CCN5: variants seen among roughly 807,000 people sequenced by gnomAD.
CCN5 encodes the protein CCN family member 5.
CCN5 carries 17 observed loss-of-function variants against 18.7 expected under a neutral mutation model. The observed-to-expected ratio is 0.91, with a 90% CI of 0.62 to 1.36. The LOEUF is 1.36. Among genes scored for constraint, CCN5 ranks in the 40% most tolerant of loss-of-function variants. CCN5 has a pLI of 0.00. For synonymous variants in CCN5, 135 were observed against 145.2 expected, an observed-to-expected ratio of 0.93 and a Z score of 0.50; for missense variants, 367 against 342.9, an observed-to-expected ratio of 1.07 and a Z score of -0.56.
intron 1 of CCN5, among the ~76,000 whole-genome samples, chr20:44,717,390 C>T (rs919183678): frequency 2.6e-5 from 4 of 152,140 alleles, no homozygotes; most frequent in Admixed American, 2.6e-4. Context: ...GTAGAGGGGT[C>T]CACAGTGGGA....
intron 1 of CCN5, among the ~76,000 whole-genome samples, chr20:44,716,186 G>A (rs1013529890): frequency 2.0e-5 from 3 of 152,336 alleles, no homozygotes; most frequent in Non-Finnish European, 4.4e-5. Flanking sequence ...AGCAATAGAG[G>A]AGAGCCATGG....
At chr20:44,727,014 C>A in intron 3 of CCN5, 73 bp from the exon 4 acceptor site, 1 of 1,420,728 alleles carries the variant, frequency 7.0e-7, no homozygotes, top group Non-Finnish European at 9.4e-7. Context: ...ATTGCCGTGG[C>A]CGCTGGCAGG....
chr20:44,716,570 A>T (rs1340765046), intron 1 of CCN5: 3 of 152,362 alleles, frequency 2.0e-5, no homozygotes, highest in Non-Finnish European at 2.9e-5. Context: ...GGGGCCCAGG[A>T]TTATACGAGA....
intron 2 of CCN5, chr20:44,720,382 C>A (rs1333003156): frequency 3.9e-6 from 2 of 514,320 alleles, no homozygotes; most frequent in Admixed American, 3.9e-5. Flanking sequence ...AAGCCAAGTT[C>A]AAACAGCTTC....
intron 2 of CCN5, 94 bp downstream of exon 2, chr20:44,720,207 C>A: frequency 7.6e-7 from 1 of 1,320,196 alleles, no homozygotes; most frequent in South Asian, 1.3e-5. Flanking sequence ...CTCTCTCTAC[C>A]TCCTTGGGTG....
At chr20:44,725,649 A>C (rs2065931303) in intron 3 of CCN5, among the ~76,000 whole-genome samples, 2 of 151,946 alleles carry the variant, frequency 1.3e-5, no homozygotes, top group African/African-American at 4.8e-5. Context: ...CTAAGCTCTT[A>C]GAATATATAA....
At chr20:44,724,538 T>G in intron 2 of CCN5, 200 bp from the exon 3 acceptor site, 1 of 748,858 alleles carries the variant, frequency 1.3e-6, no homozygotes, top group Admixed American at 3.4e-5. Context: ...CCTGTCTTCT[T>G]GCAATCCCTG....
At chr20:44,723,865 G>A (rs1008804899) in intron 2 of CCN5, 3 of 152,390 alleles carry the variant, frequency 2.0e-5, no homozygotes, top group African/African-American at 7.2e-5. Flanking sequence ...GGTCTCTCAT[G>A]TGCCAAGGCT....
At chr20:44,727,027 G>A in intron 3 of CCN5, 60 bp from the exon 4 acceptor site, 18 of 1,471,158 alleles carry the variant, frequency 1.2e-5, no homozygotes, top group Non-Finnish European at 1.6e-5. Context: ...CTGGCAGGTG[G>A]GTTGATTGAG....
At position 44,719,988 on chromosome 20, in the gene CCN5, G is replaced by A; in HGVS notation, c.152G>A (p.Gly51Asp). The A allele has an allele frequency of 1.2e-6, 2 of 1,612,860 alleles. No homozygotes were observed. Among genetic ancestry groups the A allele is most frequent in the Non-Finnish European group, 1.7e-6 (2 of 1,179,830 alleles). ...LGVPLVLDGC[G>D]CCRVCARRLG... ...GTACCCCTGGTGCTGGATGGCTGTG[G>A]CTGCTGCCGGGTATGTGCACGGCGG... Residue 51 changes from glycine to aspartate, a missense_variant, in exon 2 of 4, where the codon GGC (glycine) becomes GAC (aspartate). Coordinates refer to ENST00000190983, the MANE Select transcript of CCN5 (RefSeq NM_003881.4).
chr20:44,727,517 T>C lies in CCN5; in HGVS notation c.*210T>C. 10 of 1,389,478 alleles carry C rather than the reference T, an allele frequency of 7.2e-6. No individual in the cohort carries two copies. The highest frequency in any genetic ancestry group is 8.4e-6 in the Non-Finnish European group (9 of 1,068,562). The allele number at this position is 1,389,478 out of a possible 1,614,324, so 86.1% of individuals were successfully genotyped here. A position where few individuals can be genotyped will look rare whatever the true frequency, so the allele number is the denominator to read the frequency against. On this transcript the variant is annotated 3_prime_UTR_variant, in exon 4 of 4. Transcript: ENST00000190983. ...GGCAGAGGTGCAAGACCTAGTCCCC[T>C]TTCCTCTAACTCACTGCCTAGGAGG... is the stretch of plus-strand genomic sequence containing the variant.
At chr20:44,715,568 C>A in intron 1 of CCN5, 118 bp downstream of exon 1, 2 of 1,126,716 alleles carry the variant, frequency 1.8e-6, no homozygotes, top group Non-Finnish European at 2.6e-6. Context: ...CCACATTGGG[C>A]ACAGTCTGGC....
At chr20:44,717,602 C>T (rs2065868442) in intron 1 of CCN5, among the ~76,000 whole-genome samples, 1 of 152,060 alleles carries the variant, frequency 6.6e-6, no homozygotes. Flanking sequence ...TCGGGCTGGG[C>T]GTGGTGGCTC....
chr20:44,716,134 G>A (rs1218352283), intron 1 of CCN5, among the ~76,000 whole-genome samples: 1 of 152,138 alleles, frequency 6.6e-6, no homozygotes, highest in Non-Finnish European at 1.5e-5. Context: ...GCTCAGAAAG[G>A]GTAAGCAACT....
chr20:44,718,358 G>T (rs893976668), intron 1 of CCN5, among the ~76,000 whole-genome samples: 1 of 152,162 alleles, frequency 6.6e-6, no homozygotes, highest in Admixed American at 6.5e-5. Flanking sequence ...CTGCACAGGA[G>T]ATATGAGGTC....
chr20:44,723,049 G>T (rs1261380398), intron 2 of CCN5, among the ~76,000 whole-genome samples: 2 of 152,056 alleles, frequency 1.3e-5, no homozygotes, highest in Non-Finnish European at 2.9e-5. Flanking sequence ...AAAAGCCAAA[G>T]TCCCCACAGT....
intron 3 of CCN5, among the ~76,000 whole-genome samples, chr20:44,726,383 G>C (rs1380456948): frequency 6.6e-6 from 1 of 152,106 alleles, no homozygotes; most frequent in Non-Finnish European, 1.5e-5. Flanking sequence ...ACACACATGT[G>C]GGTAGAAATC....
chr20:44,719,558 G>T (rs1486075220), intron 1 of CCN5, among the ~76,000 whole-genome samples: 1 of 152,214 alleles, frequency 6.6e-6, no homozygotes, highest in African/African-American at 2.4e-5. Flanking sequence ...GGAGGCTGAG[G>T]CACGAGAGTC....
chr20:44,725,752 G>A (rs1036582437), intron 3 of CCN5, among the ~76,000 whole-genome samples: 14 of 139,526 alleles, frequency 1.0e-4, no homozygotes, highest in African/African-American at 2.9e-4. Context: ...AAAACTGAAC[G>A]AGGCAAAGTG....
Sources: allele counts gnomAD v4.1 joint callset (sites outside exome capture counted in the v4.1 genomes callset), GRCh38; gene constraint gnomAD v4.1.1; transcripts MANE v1.5; gene names NCBI Gene and HGNC (gene_info 2026-07-23, HGNC 2026-07-21).